Variants in ADAM2 observed in about 807,000 individuals in gnomAD.
The protein encoded by ADAM2 is disintegrin and metalloproteinase domain-containing protein 2.
A neutral mutation model predicts 99.3 loss-of-function variants in ADAM2; 101 were observed. That is an observed-to-expected ratio of 1.02 (90% CI 0.87 to 1.20). ADAM2 has a LOEUF of 1.20. Among genes scored for constraint, ADAM2 ranks in the 50% most tolerant of loss-of-function variants. The pLI, the probability that ADAM2 is intolerant of heterozygous loss-of-function variation, is 0.00. For missense variants in ADAM2, 948 were observed against 878.7 expected (o/e 1.08, Z -1.00); for synonymous variants, 323 against 287.6 (o/e 1.12, Z -1.25).
chr8:39,746,007 G>GTA (rs1823430175), intron 19 of ADAM2, among the ~76,000 whole-genome samples: 1 of 106,344 alleles, frequency 9.4e-6, no homozygotes, highest in Admixed American at 9.5e-5. Flanking sequence ...GTGTGTGCAT[G>GTA]TGTGTGTGTG....
chr8:39,766,268 G>A (rs10808924), intron 14 of ADAM2, among the ~76,000 whole-genome samples: 71,202 of 151,952 alleles, frequency 0.47, 17,013 homozygotes, highest in South Asian at 0.67. Flanking sequence ...TGAAGTAAAA[G>A]TATAGTTTGT....
At chr8:39,826,773 G>A (rs1220077180) in intron 3 of ADAM2, among the ~76,000 whole-genome samples, 1 of 151,156 alleles carries the variant, frequency 6.6e-6, no homozygotes, top group Non-Finnish European at 1.5e-5. Flanking sequence ...AACCATAATA[G>A]TTATGATGCT....
In ADAM2 at chr8:39,821,634, T is replaced by C. The variant is rs374547596; in HGVS notation, c.296A>G (p.Glu99Gly). 47 of 1,608,108 alleles carry C rather than the reference T, an allele frequency of 2.9e-5. No individual in the cohort carries two copies. The African/African-American group carries it at 4.8e-4, about 16-fold the overall frequency. The stretch of plus-strand genomic sequence containing the variant: ...CATCACCACAGATTTTGGATAACCT[T>C]CAATATACCCTTGGTAGTGGCAGAA... ...QNFCHYQGYI[E>G]GYPKSVVMVS... Residue 99 changes from glutamate (E) to glycine (G), a missense_variant, in exon 5 of 21, where the codon GAA becomes GGA. By Grantham distance (98) the Glu-to-Gly change is moderately conservative. Coordinates refer to ENST00000265708, the MANE Select transcript of ADAM2 (RefSeq NM_001464.5).
rs1044744534 is a variant in ADAM2 at position 39,793,088 on chromosome 8, A to G, written c.571-4348T>C. Among the ~76,000 whole-genome samples, 44 of 152,082 alleles carry G rather than the reference A, an allele frequency of 2.9e-4. 1 individual carries two copies. The highest frequency in any genetic ancestry group is 1.5e-5 in the Non-Finnish European group (1 of 67,980). ...ATCATAGAAACTCTTACTTGGGAGA[A>G]AAGGCATTGGCTTAAATCTACATAG... On this transcript the variant is annotated intron_variant, in intron 7 of 20. Transcript: ENST00000265708.
chr8:39,777,094 C>A lies in ADAM2; in HGVS notation c.959G>T (p.Gly320Val). The A allele has an allele frequency of 6.2e-7, 1 of 1,603,940 alleles. No homozygotes were observed. The highest frequency in any genetic ancestry group is 1.7e-5 in the Admixed American group (1 of 59,790). ...ILAQLLSLSM[G>V]ITYDDINKCQ... ...TTTGTTAATGTCATCATAAGTGATCCCCATACTAAGGCTCAATAATTGAGC... is the reference window on the plus strand; with the variant it reads ...TTTGTTAATGTCATCATAAGTGATCACCATACTAAGGCTCAATAATTGAGC... Residue 320 changes from glycine (G) to valine (V), a missense_variant, in exon 11 of 21, where the codon GGG becomes GTG. By Grantham distance (109) the Gly-to-Val change is moderately radical. Coordinates refer to ENST00000265708, the MANE Select transcript of ADAM2 (RefSeq NM_001464.5).
At chr8:39,767,910 A>ACACT (rs1802631971) in intron 12 of ADAM2, among the ~76,000 whole-genome samples, 1 of 151,940 alleles carries the variant, frequency 6.6e-6, no homozygotes, top group Non-Finnish European at 1.5e-5. Context: ...ACACACACAC[A>ACACT]CACACACACA....
At chr8:39,837,106 A>T (rs761488831) in intron 2 of ADAM2, 30 bp downstream of exon 2, 40 of 1,519,026 alleles carry the variant, frequency 2.6e-5, no homozygotes, top group Non-Finnish European at 3.4e-5. Flanking sequence ...CATCATTTTA[A>T]ATTTGTAAAT....
chr8:39,753,812 A>C (rs149986782), intron 16 of ADAM2, among the ~76,000 whole-genome samples: 2 of 150,550 alleles, frequency 1.3e-5, no homozygotes, highest in Non-Finnish European at 3.0e-5. Context: ...AAAACAACAA[A>C]ACACACACAC....
intron 10 of ADAM2, among the ~76,000 whole-genome samples, chr8:39,779,786 G>C: frequency 6.6e-6 from 1 of 152,098 alleles, no homozygotes. Context: ...GATTTATTGA[G>C]ACTTGTTTTT....
At position 39,749,368 on chromosome 8, in the gene ADAM2, C is replaced by T. The variant is rs1279673205; in HGVS notation, c.1958G>A (p.Gly653Asp). The change falls in exon 18 of 21, where the codon GGT (glycine) becomes GAT (aspartate). Residue 653 changes from glycine (G) to aspartate (D), a missense_variant. Coordinates refer to ENST00000265708, the MANE Select transcript of ADAM2 (RefSeq NM_001464.5). ...DCSVQSDLWP[G>D]GSIDSGNFPP... ...AAAATTGCCACTGTCAATACTCCCA[C>T]CAGGCCATAGATCTGATTGAACTGA... is the stretch of plus-strand genomic sequence containing the variant. 22 of 1,613,270 alleles carry T rather than the reference C, an allele frequency of 1.4e-5. No homozygotes were observed. The highest frequency in any genetic ancestry group is 1.9e-5 in the Non-Finnish European group (22 of 1,179,564).
intron 18 of ADAM2, among the ~76,000 whole-genome samples, chr8:39,747,687 G>A (rs1823531330): frequency 6.6e-6 from 1 of 152,110 alleles, no homozygotes; most frequent in Admixed American, 6.6e-5. Flanking sequence ...TAAAATCCTT[G>A]CTTGGACCAA....
At chr8:39,769,939 T>C (rs1253493056) in intron 11 of ADAM2, among the ~76,000 whole-genome samples, 1 of 97,592 alleles carries the variant, frequency 1.0e-5, no homozygotes, top group Non-Finnish European at 2.1e-5. Flanking sequence ...CTTTTCTTTT[T>C]TTTCTTTTTT....
At chr8:39,745,806 A>C (rs2129582526) in intron 19 of ADAM2, among the ~76,000 whole-genome samples, 1 of 152,188 alleles carries the variant, frequency 6.6e-6, no homozygotes, top group Admixed American at 6.5e-5. Context: ...AAAGTTATTT[A>C]AGTATTATTA....
chr8:39,812,244 A>T (rs1804734736), intron 6 of ADAM2, among the ~76,000 whole-genome samples: 1 of 152,110 alleles, frequency 6.6e-6, no homozygotes, highest in African/African-American at 2.4e-5. Flanking sequence ...CTTCAAGGAG[A>T]ACTACAAACC....
At chr8:39,821,959 A>G (rs1289832336) in intron 4 of ADAM2, among the ~76,000 whole-genome samples, 1 of 152,166 alleles carries the variant, frequency 6.6e-6, no homozygotes, top group Non-Finnish European at 1.5e-5. Flanking sequence ...CTTTTCTGAC[A>G]ATGTTGCATG....
intron 15 of ADAM2, among the ~76,000 whole-genome samples, chr8:39,756,977 A>G (rs568590609): frequency 6.6e-6 from 1 of 152,314 alleles, no homozygotes; most frequent in Non-Finnish European, 1.5e-5. Flanking sequence ...AATATGTGTG[A>G]CTATTGCTTC....
chr8:39,770,638 G>A (rs202009), intron 11 of ADAM2, among the ~76,000 whole-genome samples: 5,046 of 152,208 alleles, frequency 0.033, 284 homozygotes, highest in African/African-American at 0.12. Flanking sequence ...GAAGATAAAT[G>A]TTTTATTTAT....
At chr8:39,826,589 G>C (rs1805410443) in intron 3 of ADAM2, among the ~76,000 whole-genome samples, 2 of 152,028 alleles carry the variant, frequency 1.3e-5, no homozygotes, top group Admixed American at 1.3e-4. Flanking sequence ...CAGGCATGGT[G>C]GTGGGCGCCT....
At chr8:39,744,630 G>T (rs1443919840) in intron 20 of ADAM2, among the ~76,000 whole-genome samples, 200 bp downstream of exon 20, 1 of 152,078 alleles carries the variant, frequency 6.6e-6, no homozygotes, top group African/African-American at 2.4e-5. Flanking sequence ...ACCAGAACCT[G>T]TCGGGGGTTG....
Sources: gnomAD v4.1 joint callset for allele counts (sites outside exome capture counted in the v4.1 genomes callset) on GRCh38, gnomAD v4.1.1 for gene constraint, MANE v1.5 for transcripts, NCBI Gene and HGNC (gene_info 2026-07-23, HGNC 2026-07-21) for gene names.